Variants in GNPTAB observed in about 807,000 individuals in gnomAD.
The protein encoded by GNPTAB is N-acetylglucosamine-1-phosphate transferase subunits alpha and beta, also known as N-acetylglucosamine-1-phosphotransferase subunits alpha/beta.
GNPTAB carries 92 observed loss-of-function variants against 136.6 expected under a neutral mutation model. That is an observed-to-expected ratio of 0.67 (90% CI 0.57 to 0.80). GNPTAB has a LOEUF of 0.80. GNPTAB is among the 30% of genes least tolerant of loss of function. The pLI is 0.00. For missense variants in GNPTAB, 1,343 were observed against 1,501.8 expected (o/e 0.89, Z 1.75); for synonymous variants, 512 against 535.1 (o/e 0.96, Z 0.60).
At chr12:101,788,680 C>A (rs569290098) in intron 3 of GNPTAB, 91 bp from the exon 4 acceptor site, 18 of 751,342 alleles carry the variant, frequency 2.4e-5, no homozygotes, top group Non-Finnish European at 3.9e-5. Context: ...CATAAACTTT[C>A]ATATTTTATT....
Position 101,747,222 on chromosome 12 carries a change from T to C in GNPTAB, c.3713A>G (p.Lys1238Arg). 6.3e-7 allele frequency: 1 copy of C among 1,587,942 alleles called. No individual in the cohort carries two copies. The highest frequency in any genetic ancestry group is 8.6e-7 in the Non-Finnish European group (1 of 1,156,204). The change falls in exon 21 of 21, where the codon AAG (lysine) becomes AGG (arginine). Residue 1238 changes from lysine to arginine, a missense_variant. Coordinates refer to ENST00000299314, the MANE Select transcript of GNPTAB (RefSeq NM_024312.5). Reference sequence around the variant, plus strand: ...GTGTATCCTCCTTCTGGGAAATATCTTCCGCTTAAGTGCAATTAACTAAAT... The same window carrying C: ...GTGTATCCTCCTTCTGGGAAATATCCTCCGCTTAAGTGCAATTAACTAAAT... ...FAEQLIALKRKIFPRRRIHKE... is the reference protein window; with the variant it reads ...FAEQLIALKRRIFPRRRIHKE...
chr12:101,766,197 G>A lies in GNPTAB; in HGVS notation c.1506C>T (p.Val502=), dbSNP rs1267082696. The A allele has an allele frequency of 1.9e-6, 3 of 1,613,884 alleles. No homozygotes were observed. The Admixed American group carries it at 5.0e-5, about 27-fold the overall frequency. ...PWQFGGGINS[V]SYCNQGCANS... ...TCGCACATCCCTGATTACAGTAAGA[G>A]ACACTGTTTATTCCTCCACCAAACT... is the stretch of plus-strand genomic sequence containing the variant. The change falls in exon 12 of 21, where the codon GTC becomes GTT. Residue 502 remains valine (V), a synonymous_variant. Coordinates refer to ENST00000299314, the MANE Select transcript of GNPTAB (RefSeq NM_024312.5).
At position 101,760,084 on chromosome 12, in the gene GNPTAB, G is replaced by A; in HGVS notation, c.3195C>T (p.Ile1065=). ...TTGGTGGAATATTATTTAGCTGCGT[G>A]ATATCAGCAGGAAGCATTTTTGAGC... ...INCSKMLPAD[I]TQLNNIPPTQ... is the part of the protein sequence containing the mutation. The change falls in exon 16 of 21, where the codon ATC becomes ATT. Residue 1065 remains isoleucine (I), a synonymous_variant. Transcript: ENST00000299314. 1.2e-6 allele frequency: 2 copies of A among 1,613,708 alleles called. No individual in the cohort carries two copies. Among genetic ancestry groups the A allele is most frequent in the African/African-American group, 1.3e-5 (1 of 75,044 alleles).
rs1952923408 is a variant in GNPTAB at position 101,757,640 on chromosome 12, A to G, written c.3267T>C (p.Ser1089=). The G allele has an allele frequency of 3.8e-6, 6 of 1,567,430 alleles. No homozygotes were observed. Among genetic ancestry groups the G allele is most frequent in the Non-Finnish European group, 5.3e-6 (6 of 1,137,908 alleles). ...TTACTGGTTTACAGTTTGTTACTAG[A>G]CTTTTAGTGACCGGTGGCTATGAGA... is the stretch of plus-strand genomic sequence containing the variant. The part of the protein sequence containing the change: ...YDPNLPPVTK[S]LVTNCKPVTD... The change falls in exon 17 of 21, where the codon AGT becomes AGC. Residue 1089 remains serine, a synonymous_variant. Coordinates refer to ENST00000299314, the MANE Select transcript of GNPTAB (RefSeq NM_024312.5).
intron 13 of GNPTAB, among the ~76,000 whole-genome samples, chr12:101,762,102 A>G (rs748330665): frequency 4.6e-5 from 7 of 152,242 alleles, no homozygotes; most frequent in Non-Finnish European, 1.0e-4. Flanking sequence ...ATTTATGTAC[A>G]TATACATTTG....
At chr12:101,811,937 C>A (rs1008869964) in intron 1 of GNPTAB, among the ~76,000 whole-genome samples, 2 of 150,086 alleles carry the variant, frequency 1.3e-5, no homozygotes, top group Admixed American at 1.3e-4. Flanking sequence ...TGCGTCCGGC[C>A]GGTGCTACAC....
chr12:101,749,243 C>T, intron 19 of GNPTAB, 52 bp from the exon 20 acceptor site: 1 of 1,009,270 alleles, frequency 9.9e-7, no homozygotes, highest in African/African-American at 1.6e-5. Context: ...GTTTCACTAC[C>T]ATTAGTTAAG....
chr12:101,796,491 G>GTT, intron 2 of GNPTAB, 186 bp downstream of exon 2: 2 of 604,104 alleles, frequency 3.3e-6, no homozygotes, highest in Non-Finnish European at 5.9e-6. Context: ...TATCGTTCCA[G>GTT]TTTTTTTTTC....
intron 19 of GNPTAB, among the ~76,000 whole-genome samples, chr12:101,753,059 C>G (rs1389432003): frequency 2.6e-5 from 4 of 151,974 alleles, no homozygotes; most frequent in Non-Finnish European, 5.9e-5. Context: ...TCTAGACCAG[C>G]CTGGCTAACA....
chr12:101,821,084 G>A (rs1030079235), intron 1 of GNPTAB, among the ~76,000 whole-genome samples: 6 of 144,256 alleles, frequency 4.2e-5, no homozygotes, highest in Non-Finnish European at 6.0e-5. Context: ...AAAAAAGCAA[G>A]CATCTCCTGA....
intron 3 of GNPTAB, among the ~76,000 whole-genome samples, 163 bp downstream of exon 3, chr12:101,789,775 T>G (rs1354592727): frequency 4.6e-5 from 7 of 152,236 alleles, no homozygotes; most frequent in Non-Finnish European, 2.9e-5. Context: ...TGAGCCACCA[T>G]GCCTGGCCTG....
intron 1 of GNPTAB, among the ~76,000 whole-genome samples, chr12:101,828,249 G>T (rs1594267960): frequency 6.6e-6 from 1 of 152,180 alleles, no homozygotes; most frequent in Non-Finnish European, 1.5e-5. Flanking sequence ...CATCAACCCT[G>T]CAAGGAAGGT....
intron 19 of GNPTAB, 65 bp downstream of exon 19, chr12:101,753,307 A>G (rs1952848630): frequency 8.2e-7 from 1 of 1,226,028 alleles, no homozygotes; most frequent in African/African-American, 1.5e-5. Context: ...CATCACTAAC[A>G]TATAGATACA....
intron 11 of GNPTAB, 94 bp from the exon 12 acceptor site, chr12:101,766,388 A>C: frequency 2.6e-4 from 277 of 1,070,744 alleles, no homozygotes; most frequent in Non-Finnish European, 3.6e-4. Context: ...CTGTAATCTC[A>C]ACACTTTGGG....
intron 1 of GNPTAB, among the ~76,000 whole-genome samples, chr12:101,822,804 G>A (rs1265651752): frequency 3.9e-5 from 6 of 152,190 alleles, no homozygotes; most frequent in Admixed American, 3.9e-4. Flanking sequence ...AGGGGCAGGG[G>A]TGCAAGACAA....
intron 4 of GNPTAB, among the ~76,000 whole-genome samples, chr12:101,786,787 G>A (rs1024731284): frequency 1.3e-5 from 2 of 152,084 alleles, no homozygotes; most frequent in African/African-American, 4.8e-5. Context: ...CAAAGGACAC[G>A]GCTAGAAAAT....
intron 1 of GNPTAB, among the ~76,000 whole-genome samples, chr12:101,814,990 G>A (rs1453209916): frequency 2.0e-5 from 3 of 152,150 alleles, no homozygotes; most frequent in Non-Finnish European, 1.5e-5. Flanking sequence ...TGAACTTAAG[G>A]ATAACTGAAA....
At chr12:101,798,629 A>C (rs1869436540) in intron 1 of GNPTAB, among the ~76,000 whole-genome samples, 1 of 152,252 alleles carries the variant, frequency 6.6e-6, no homozygotes, top group African/African-American at 2.4e-5. Context: ...AAACATAAAA[A>C]TGCAGCAATA....
At chr12:101,750,261 T>C (rs1952796590) in intron 19 of GNPTAB, among the ~76,000 whole-genome samples, 1 of 152,268 alleles carries the variant, frequency 6.6e-6, no homozygotes, top group Non-Finnish European at 1.5e-5. Context: ...CTCTGGCCTC[T>C]GTGCTGAGTT....
Sources: gnomAD v4.1 joint callset for allele counts (sites outside exome capture counted in the v4.1 genomes callset) on GRCh38, gnomAD v4.1.1 for gene constraint, MANE v1.5 for transcripts, NCBI Gene and HGNC (gene_info 2026-07-23, HGNC 2026-07-21) for gene names.